GJC3: variants seen among roughly 807,000 people sequenced by gnomAD.
GJC3 encodes gap junction gamma-3 protein.
In GJC3, 17 loss-of-function variants were observed where a neutral mutation model predicts 19.8. That is an observed-to-expected ratio of 0.86 (90% CI 0.59 to 1.29). The LOEUF is 1.29. GJC3 is among the 50% of genes most tolerant of loss of function. The pLI is 0.00. For missense variants in GJC3, 317 were observed against 332.5 expected (o/e 0.95, Z 0.36); for synonymous variants, 140 against 136.5 (o/e 1.03, Z -0.18).
In GJC3 at chr7:99,929,581, TCTC is replaced by T. The variant is rs779289574; in HGVS notation, c.37_39del (p.Glu13del). 1.9e-6 allele frequency: 3 copies of T among 1,610,698 alleles called. 1 individual carries two copies. The highest frequency in any genetic ancestry group is 3.3e-4 in the Middle Eastern group (2 of 6,058). On this transcript the variant is annotated inframe_deletion, in exon 1 of 2. Coordinates refer to ENST00000312891, the MANE Select transcript of GJC3 (RefSeq NM_181538.3). ...CGCCCCACGGGGGTGGAGCGCCGGC[TCTC>T]CTCCGCCAGCAGCCGCCGCAGGAAC...
At chr7:99,923,755 T>G in intron 1 of GJC3, 152 bp from the exon 2 acceptor site, 1 of 672,942 alleles carries the variant, frequency 1.5e-6, no homozygotes, top group South Asian at 1.6e-5. Flanking sequence ...AAAACTGAAC[T>G]GACATTGGAA....
chr7:99,923,578 T>A lies in GJC3; in HGVS notation c.807A>T (p.Glu269Asp), dbSNP rs763649019. 9 of 780,980 alleles carry A rather than the reference T, an allele frequency of 1.2e-5. No homozygotes were observed. In the East Asian group the frequency reaches 2.2e-4, roughly 19 times the overall value. 48.4% of individuals were successfully genotyped at this position (780,980 alleles called of 1,614,324 possible). Residue 269 changes from glutamate (E) to aspartate (D), a missense_variant, in exon 2 of 2, where the codon GAA (glutamate) becomes GAT (aspartate). By Grantham distance (45) the Glu-to-Asp change is conservative. Coordinates refer to ENST00000312891, the MANE Select transcript of GJC3 (RefSeq NM_181538.3). ...CTCTGGGTCCAACTGGTCTTTGTTT[T>A]TCCTGGGCTAAGCTTCTTCCTGGAA... ...EAVPGRSLAQ[E>D]KQRPVGPRDA
At chr7:99,926,897 C>A (rs781601240) in intron 1 of GJC3, among the ~76,000 whole-genome samples, 11 of 152,134 alleles carry the variant, frequency 7.2e-5, no homozygotes, top group Middle Eastern at 3.2e-3. Flanking sequence ...GATGAAGCAA[C>A]AAAAGAACGA....
intron 1 of GJC3, among the ~76,000 whole-genome samples, chr7:99,925,472 G>A (rs1209763342): frequency 6.6e-6 from 1 of 152,164 alleles, no homozygotes; most frequent in African/African-American, 2.4e-5. Flanking sequence ...CTTTATGGCT[G>A]TGAATTAGGC....
At position 99,928,841 on chromosome 7, in the gene GJC3, T is replaced by G. The variant is rs150788831; in HGVS notation, c.780A>C (p.Ala260=). The G allele has an allele frequency of 6.9e-5, 111 of 1,613,954 alleles. No individual in the cohort carries two copies. In the Middle Eastern group the frequency reaches 2.8e-3, roughly 41 times the overall value. The change falls in exon 1 of 2, where the codon GCA becomes GCC. Residue 260 remains alanine, a splice_region_variant and synonymous_variant. Coordinates refer to ENST00000312891, the MANE Select transcript of GJC3 (RefSeq NM_181538.3). Reference sequence around the variant, plus strand: ...AGGAAGAGAGCGTGTCCTTCTCACCTGCTTCTTGAAATTGCTCTTTGGTTT... The same window carrying G: ...AGGAAGAGAGCGTGTCCTTCTCACCGGCTTCTTGAAATTGCTCTTTGGTTT... ...VVETKEQFQE[A]VPGRSLAQEK...
chr7:99,929,421 G>A lies in GJC3; in HGVS notation c.200C>T (p.Ala67Val), dbSNP rs1462191919. 1.9e-6 allele frequency: 3 copies of A among 1,613,902 alleles called. No individual in the cohort carries two copies. Among genetic ancestry groups the A allele is most frequent in the African/African-American group, 2.7e-5 (2 of 74,914 alleles). Residue 67 changes from alanine to valine, a missense_variant, in exon 1 of 2, where the codon GCC becomes GTC. Physicochemically the swap from Ala to Val is moderately conservative, Grantham distance 64. Coordinates refer to ENST00000312891, the MANE Select transcript of GJC3 (RefSeq NM_181538.3). The part of the protein sequence containing the change: ...QPGCKAACFD[A>V]FHPLSPLRFW... ...ACGCAGCGGGGAGAGGGGGTGGAAG[G>A]CATCGAAGCAGGCAGCCTTGCAGCC...
chr7:99,928,876 G>A lies in GJC3; in HGVS notation c.745C>T (p.Pro249Ser). ...AATTGCTCTTTGGTTTCCACCACTG[G>A]GAGGCTATCGGTTGCTTTCTTGTGT... Reference protein sequence around the residue: ...RRHKKATDSLPVVETKEQFQE... With the variant: ...RRHKKATDSLSVVETKEQFQE... The change falls in exon 1 of 2, where the codon CCA becomes TCA. Residue 249 changes from proline (P) to serine (S), a missense_variant. Physicochemically the swap from Pro to Ser is moderately conservative, Grantham distance 74. Transcript: ENST00000312891. 6.2e-7 allele frequency: 1 copy of A among 1,614,114 alleles called. No homozygotes were observed. Among genetic ancestry groups the A allele is most frequent in the Non-Finnish European group, 8.5e-7 (1 of 1,180,014 alleles).
In GJC3 at chr7:99,929,486, A is replaced by T. The variant is rs747667518; in HGVS notation, c.135T>A (p.Gly45=). 1.1e-5 allele frequency: 17 copies of T among 1,613,936 alleles called. No homozygotes were observed. Among genetic ancestry groups the T allele is most frequent in the Non-Finnish European group, 1.4e-5 (17 of 1,179,994 alleles). Residue 45 remains glycine (G), a synonymous_variant, in exon 1 of 2, where the codon GGT becomes GGA. Transcript: ENST00000312891. The stretch of plus-strand genomic sequence containing the variant: ...GACACACGAATTCACTCTGCTCATC[A>T]CCATAGACTCCAGGCCCACTGGCAG... The part of the protein sequence containing the change: ...LLAASGPGVY[G]DEQSEFVCHT...
Position 99,928,907 on chromosome 7 carries a change from G to T in GJC3, c.714C>A (p.Thr238=). The part of the protein sequence containing the change: ...SSKYFLTSES[T]RRHKKATDSL... Reference sequence around the variant, plus strand: ...TATCGGTTGCTTTCTTGTGTCTTCTGGTGCTCTCTGAAGTTAGGAAGTATT... The same window carrying T: ...TATCGGTTGCTTTCTTGTGTCTTCTTGTGCTCTCTGAAGTTAGGAAGTATT... Residue 238 remains threonine (T), a synonymous_variant, in exon 1 of 2, where the codon ACC becomes ACA. Coordinates refer to ENST00000312891, the MANE Select transcript of GJC3 (RefSeq NM_181538.3). The T allele has an allele frequency of 6.2e-7, 1 of 1,614,108 alleles. No individual in the cohort carries two copies. The highest frequency in any genetic ancestry group is 1.3e-5 in the African/African-American group (1 of 75,018).
rs1819847164 is a variant in GJC3, at chr7:99,928,825, G to A, written c.781+15C>T. On this transcript the variant is annotated intron_variant, in intron 1 of 1. Transcript: ENST00000312891. ...CACAAACATCAGTGACAGGAAGAGA[G>A]CGTGTCCTTCTCACCTGCTTCTTGA... 2.5e-6 allele frequency: 4 copies of A among 1,612,662 alleles called. No homozygotes were observed. The highest frequency in any genetic ancestry group is 1.7e-5 in the Admixed American group (1 of 60,010).
At chr7:99,926,333 CA>C (rs544473016) in intron 1 of GJC3, among the ~76,000 whole-genome samples, 2,109 of 97,160 alleles carry the variant, frequency 0.022, 29 homozygotes, top group African/African-American at 0.062. Context: ...GACTCCATCC[CA>C]AAAAAAAAAA....
At chr7:99,928,003 G>A (rs1004299440) in intron 1 of GJC3, among the ~76,000 whole-genome samples, 1 of 152,314 alleles carries the variant, frequency 6.6e-6, no homozygotes, top group East Asian at 1.9e-4. Context: ...GGATATGGCC[G>A]GGTATTTGGA....
In GJC3 at chr7:99,929,564, G is replaced by A; in HGVS notation, c.57C>T (p.Pro19=). 1.2e-6 allele frequency: 2 copies of A among 1,612,464 alleles called. No individual in the cohort carries two copies. The highest frequency in any genetic ancestry group is 1.7e-6 in the Non-Finnish European group (2 of 1,179,838). ...LLAEESRRST[P]VGRLLLPVLL... is the part of the protein sequence containing the mutation. ...GCACGGGAAGCAAGAGGCGCCCCAC[G>A]GGGGTGGAGCGCCGGCTCTCCTCCG... The change falls in exon 1 of 2, where the codon CCC becomes CCT. Residue 19 remains proline (P), a synonymous_variant. Coordinates refer to ENST00000312891, the MANE Select transcript of GJC3 (RefSeq NM_181538.3).
At chr7:99,926,354 T>C (rs987506405) in intron 1 of GJC3, among the ~76,000 whole-genome samples, 2 of 147,554 alleles carry the variant, frequency 1.4e-5, no homozygotes, top group African/African-American at 2.5e-5. Context: ...AAAAAAGTGG[T>C]ACACATATGT....
At chr7:99,926,020 GACA>G (rs2115579475) in intron 1 of GJC3, among the ~76,000 whole-genome samples, 1 of 152,300 alleles carries the variant, frequency 6.6e-6, no homozygotes, top group African/African-American at 2.4e-5. Context: ...CAAGAGAACT[GACA>G]ACATGTGTTT....
rs1819857765 is a variant in GJC3 at position 99,929,259 on chromosome 7, C to T, written c.362G>A (p.Gly121Asp). 6.2e-7 allele frequency: 1 copy of T among 1,614,046 alleles called. No homozygotes were observed. The highest frequency in any genetic ancestry group is 1.7e-5 in the Admixed American group (1 of 60,000). The change falls in exon 1 of 2, where the codon GGC (glycine) becomes GAC (aspartate). Residue 121 changes from glycine (G) to aspartate (D), a missense_variant. By Grantham distance (94) the Gly-to-Asp change is moderately conservative. Transcript: ENST00000312891. ...TCCAGCCCCTGGGACATCTGTGTTG[C>T]CCTCCCGTCCCTGGATCAGGGTCTC... ...EEETLIQGREGNTDVPGAGSL... is the reference protein window; with the variant it reads ...EEETLIQGREDNTDVPGAGSL...
At chr7:99,924,242 C>G (rs1337298148) in intron 1 of GJC3, among the ~76,000 whole-genome samples, 1 of 152,156 alleles carries the variant, frequency 6.6e-6, no homozygotes, top group Non-Finnish European at 1.5e-5. Flanking sequence ...ATTCTTTCCC[C>G]TCCCCCTATT....
At chr7:99,924,869 C>A (rs776591544) in intron 1 of GJC3, among the ~76,000 whole-genome samples, 1 of 152,134 alleles carries the variant, frequency 6.6e-6, no homozygotes, top group Non-Finnish European at 1.5e-5. Flanking sequence ...TACTTTCTAC[C>A]GCTACAAAAT....
upstream of GJC3, among the ~76,000 whole-genome samples, chr7:99,930,322 C>T (rs1159829410): frequency 6.6e-6 from 1 of 152,150 alleles, no homozygotes; most frequent in Non-Finnish European, 1.5e-5. Flanking sequence ...TGGAAGGTAA[C>T]CCAGCAGAAT....
Sources: allele counts gnomAD v4.1 joint callset (sites outside exome capture counted in the v4.1 genomes callset), GRCh38; gene constraint gnomAD v4.1.1; transcripts MANE v1.5; gene names NCBI Gene and HGNC (gene_info 2026-07-23, HGNC 2026-07-21).